Variants in HERC1 observed in about 807,000 individuals in gnomAD.
HERC1 encodes the protein probable E3 ubiquitin-protein ligase HERC1.
In HERC1, 160 loss-of-function variants were observed where a neutral mutation model predicts 554.3. The observed-to-expected ratio is 0.29, with a 90% CI of 0.25 to 0.33. The LOEUF (loss-of-function observed/expected upper bound fraction) is 0.33. Among genes scored for constraint, HERC1 ranks in the 10% least tolerant of loss-of-function variants. The pLI is 1.00. For missense variants in HERC1, 4,919 were observed against 5,918.5 expected (o/e 0.83, Z 5.54); for synonymous variants, 2,175 against 2,131.7 (o/e 1.02, Z -0.56).
rs2072406353 is a variant in HERC1, at chr15:63,696,276, T to C, written c.4969A>G (p.Ile1657Val). The C allele has an allele frequency of 1.2e-6, 2 of 1,613,350 alleles. No individual in the cohort carries two copies. The highest frequency in any genetic ancestry group is 1.7e-6 in the Non-Finnish European group (2 of 1,179,706). The change falls in exon 27 of 78, where the codon ATC becomes GTC. Residue 1657 changes from isoleucine to valine, a missense_variant. Ile to Val is a conservative substitution (Grantham distance 29). This residue lies in a region of HERC1 where 1,121 missense variants were observed against 1,244.0 expected (regional missense o/e 0.90). Transcript: ENST00000443617. Reference protein sequence around the residue: ...LLSGMEEKGSISLAGSRLSSG... With the variant: ...LLSGMEEKGSVSLAGSRLSSG... ...CTCAATCTGCTTCCTGCCAGTGAGATGCTACCTTTTTCTTCCATCCCAGAC... is the reference window on the plus strand; with the variant it reads ...CTCAATCTGCTTCCTGCCAGTGAGACGCTACCTTTTTCTTCCATCCCAGAC...
chr15:63,822,153 T>C (rs577267456), intron 1 of HERC1, among the ~76,000 whole-genome samples: 52 of 152,282 alleles, frequency 3.4e-4, no homozygotes, highest in Admixed American at 5.9e-4. Flanking sequence ...GGAGTCTGCC[T>C]GGCCCGGTCA....
At chr15:63,814,672 T>C (rs2077435762) in intron 1 of HERC1, among the ~76,000 whole-genome samples, 1 of 152,222 alleles carries the variant, frequency 6.6e-6, no homozygotes, top group African/African-American at 2.4e-5. Flanking sequence ...TTTTGCCATG[T>C]TGGCCAGGCT....
At chr15:63,676,049 G>A (rs980448897) in intron 37 of HERC1, among the ~76,000 whole-genome samples, 1 of 151,926 alleles carries the variant, frequency 6.6e-6, no homozygotes, top group African/African-American at 2.4e-5. Context: ...GATTACAGGC[G>A]CACGCCACTA....
intron 46 of HERC1, among the ~76,000 whole-genome samples, chr15:63,660,498 T>C (rs1030098223): frequency 6.6e-6 from 1 of 152,144 alleles, no homozygotes; most frequent in African/African-American, 2.4e-5. Context: ...GTTAAATAAG[T>C]TGACAGCAAT....
At position 63,718,550 on chromosome 15, in the gene HERC1, AAATT is replaced by A. The variant is rs752438439; in HGVS notation, c.3978+20_3978+23del. On this transcript the variant is annotated intron_variant, in intron 21 of 77. Coordinates refer to ENST00000443617, the MANE Select transcript of HERC1 (RefSeq NM_003922.4). The surrounding 1 kb of genome is among the most constrained non-coding windows in gnomAD (Gnocchi z 4.2). ...TCTCACAGCTTGCAGAAAAACATAG[AAATT>A]AATTGATTTCAAACTTTACCCATCT... 2.3e-5 allele frequency: 35 copies of A among 1,529,474 alleles called. No homozygotes were observed. Among genetic ancestry groups the A allele is most frequent in the Non-Finnish European group, 2.8e-5 (32 of 1,132,404 alleles). 94.7% of individuals were successfully genotyped at this position (1,529,474 alleles called of 1,614,324 possible).
intron 55 of HERC1, among the ~76,000 whole-genome samples, chr15:63,646,002 C>T (rs2069318751): frequency 6.6e-6 from 1 of 152,048 alleles, no homozygotes; most frequent in Non-Finnish European, 1.5e-5. Context: ...AAGAGTTATC[C>T]TTATTGACTA....
chr15:63,666,043 C>G lies in HERC1; in HGVS notation c.8431G>C (p.Asp2811His), dbSNP rs774743808. ...AGAACGGCTGCTCCAGGCCTAGAGT[C>G]TGCTGTGCTGCCCGACTGGGGCTCC... ...EEEPQSGSTA[D>H]SRPGAAVLGS... is the part of the protein sequence containing the mutation. The change falls in exon 42 of 78, where the codon GAC (aspartate) becomes CAC (histidine). Residue 2811 changes from aspartate to histidine, a missense_variant. Physicochemically the swap from Asp to His is moderately conservative, Grantham distance 81 (BLOSUM62 -1). Around this residue, in one of 11 missense-constraint regions of HERC1, gnomAD observed 1,963 missense variants for 2,228.6 expected, o/e 0.88. Coordinates refer to ENST00000443617, the MANE Select transcript of HERC1 (RefSeq NM_003922.4). 6 of 1,614,050 alleles carry G rather than the reference C, an allele frequency of 3.7e-6. No individual in the cohort carries two copies. In the South Asian group the frequency reaches 6.6e-5, roughly 18 times the overall value.
chr15:63,678,104 C>G lies in HERC1; in HGVS notation c.6811G>C (p.Glu2271Gln). ...TCTTCCTCTTTGCTCTCCTTCTCCT[C>G]TCTCATTTCATTTTCCTCTCGGCTC... ...VQSREENEMR[E>Q]EKESKEEEKG... Residue 2271 changes from glutamate (E) to glutamine (Q), a missense_variant, in exon 37 of 78, where the codon GAG (glutamate) becomes CAG (glutamine). This residue lies in a region of HERC1 where 1,963 missense variants were observed against 2,228.6 expected (regional missense o/e 0.88). Coordinates refer to ENST00000443617, the MANE Select transcript of HERC1 (RefSeq NM_003922.4). 2 of 1,613,996 alleles carry G rather than the reference C, an allele frequency of 1.2e-6. No individual in the cohort carries two copies. Among genetic ancestry groups the G allele is most frequent in the East Asian group, 2.2e-5 (1 of 44,872 alleles).
At position 63,626,112 on chromosome 15, in the gene HERC1, G is replaced by A; in HGVS notation, c.13148C>T (p.Pro4383Leu). 1 of 1,613,782 alleles carries A rather than the reference G, an allele frequency of 6.2e-7. No individual in the cohort carries two copies. Among genetic ancestry groups the A allele is most frequent in the Non-Finnish European group, 8.5e-7 (1 of 1,179,830 alleles). ...TTCTCTCAGCGCCCCATACTGGGGG[G>A]GCACTGTGTCAGGCAGGCCCAGCTG... ...PLQLGLPDTV[P>L]PQYGALREVS... Residue 4383 changes from proline (P) to leucine (L), a missense_variant, in exon 71 of 78, where the codon CCC becomes CTC. Physicochemically the swap from Pro to Leu is moderately conservative, Grantham distance 98. Transcript: ENST00000443617.
chr15:63,813,311 G>GACACACACACAC (rs10534978), intron 1 of HERC1, among the ~76,000 whole-genome samples: 3 of 139,504 alleles, frequency 2.2e-5, no homozygotes, highest in African/African-American at 5.4e-5. Context: ...ATCAGAGATG[G>GACACACACACAC]ACACACACAC....
intron 5 of HERC1, among the ~76,000 whole-genome samples, chr15:63,755,972 A>C (rs988630217): frequency 6.6e-6 from 1 of 152,146 alleles, no homozygotes; most frequent in Non-Finnish European, 1.5e-5. Context: ...GACCTACCTC[A>C]TTACCTAATA....
rs767168181 is a variant in HERC1, at chr15:63,775,642, C to CATT, written c.-22_-20dup. Reference sequence around the variant, plus strand: ...TTGCCATGTTGATTTATCCTTCAGCCATTAGTCCTGCAAAGGGAGAAGAGA... The same window carrying CATT: ...TTGCCATGTTGATTTATCCTTCAGCCATTATTAGTCCTGCAAAGGGAGAAGAGA... On this transcript the variant is annotated 5_prime_UTR_variant, in exon 2 of 78. It adds an upstream start codon to the 5' untranslated region. Transcript: ENST00000443617. This position sits in a 1 kb window ranked among gnomAD's most constrained non-coding sequence, Gnocchi z 4.0. 6.4e-7 allele frequency: 1 copy of CATT among 1,558,876 alleles called. No individual in the cohort carries two copies. The highest frequency in any genetic ancestry group is 8.7e-7 in the Non-Finnish European group (1 of 1,152,442).
intron 33 of HERC1, among the ~76,000 whole-genome samples, chr15:63,689,190 A>G (rs1351706340): frequency 6.6e-6 from 1 of 151,568 alleles, no homozygotes. Flanking sequence ...AGGTAAAGTA[A>G]GAAGTGGAAA....
chr15:63,795,591 G>A (rs1275089509), intron 1 of HERC1, among the ~76,000 whole-genome samples: 1 of 152,148 alleles, frequency 6.6e-6, no homozygotes, highest in Non-Finnish European at 1.5e-5. Context: ...TGAACCAGCA[G>A]TATGTTTGAA....
chr15:63,785,189 C>A (rs1484818762), intron 1 of HERC1, among the ~76,000 whole-genome samples: 1 of 152,072 alleles, frequency 6.6e-6, no homozygotes, highest in Admixed American at 6.6e-5. Context: ...TTTTAAGAGG[C>A]CAAGGTGGGA....
intron 77 of HERC1, among the ~76,000 whole-genome samples, chr15:63,610,524 G>C (rs763583411): frequency 9.2e-5 from 14 of 152,204 alleles, no homozygotes; most frequent in Non-Finnish European, 1.8e-4. Flanking sequence ...GTAGAAATGA[G>C]CCATTTCCTC....
Position 63,727,548 on chromosome 15 carries a change from C to T in HERC1, c.3346+99G>A. 2.5e-6 allele frequency: 2 copies of T among 785,202 alleles called. No homozygotes were observed. The highest frequency in any genetic ancestry group is 2.1e-5 in the South Asian group (1 of 46,732). 48.6% of individuals were successfully genotyped at this position (785,202 alleles called of 1,614,324 possible). On this transcript the variant is annotated intron_variant, in intron 17 of 77. Transcript: ENST00000443617. This position sits in a 1 kb window ranked among gnomAD's most constrained non-coding sequence, Gnocchi z 4.3. Reference sequence around the variant, plus strand: ...TCAGTGATGAAATTCCTTTGATAGCCTTAGGATAGATAGACTCCAATGGAA... The same window carrying T: ...TCAGTGATGAAATTCCTTTGATAGCTTTAGGATAGATAGACTCCAATGGAA...
intron 23 of HERC1, among the ~76,000 whole-genome samples, chr15:63,713,130 T>C (rs1010144272): frequency 2.6e-5 from 4 of 152,264 alleles, no homozygotes; most frequent in Admixed American, 6.5e-5. Context: ...GTTGTTTATA[T>C]ATACGAAAAA....
intron 12 of HERC1, among the ~76,000 whole-genome samples, chr15:63,740,129 C>A (rs1318578415): frequency 6.6e-6 from 1 of 152,088 alleles, no homozygotes; most frequent in East Asian, 1.9e-4. Context: ...AGGCTGGTCT[C>A]AAACTCCTGG....
Sources: gnomAD v4.1 joint callset for allele counts (sites outside exome capture counted in the v4.1 genomes callset) on GRCh38, gnomAD v4.1.1 for gene constraint, gnomAD v4.1.1 regional missense constraint, Gnocchi (gnomAD v3.1) non-coding constraint, MANE v1.5 for transcripts, NCBI Gene and HGNC (gene_info 2026-07-23, HGNC 2026-07-21) for gene names.